Variants in SPOPL observed in about 807,000 individuals in gnomAD.
SPOPL encodes speckle-type POZ protein-like.
In SPOPL, 23 loss-of-function variants were observed where a neutral mutation model predicts 53.8. The ratio of observed to expected loss-of-function variants is 0.43; its 90% CI spans 0.31 to 0.61. The LOEUF is 0.61. SPOPL is among the 20% of genes least tolerant of loss of function. The probability of loss-of-function intolerance (pLI) is 0.12; values close to 1 mark genes in which losing one functional copy is unlikely to be tolerated. For missense variants in SPOPL, 442 were observed against 466.9 expected, an observed-to-expected ratio of 0.95 and a Z score of 0.49; for synonymous variants, 164 against 149.7, an observed-to-expected ratio of 1.10 and a Z score of -0.70.
At chr2:138,525,063 G>A (rs1036400565) in intron 1 of SPOPL, among the ~76,000 whole-genome samples, 4 of 152,098 alleles carry the variant, frequency 2.6e-5, no homozygotes, top group Non-Finnish European at 2.9e-5. Context: ...ATATTAATCC[G>A]TTTTCATGCT....
chr2:138,528,443 G>A (rs970925835), intron 1 of SPOPL, among the ~76,000 whole-genome samples: 2 of 152,116 alleles, frequency 1.3e-5, no homozygotes, highest in Admixed American at 6.6e-5. Flanking sequence ...AATGTCTGAT[G>A]TACCAGTGTC....
intron 1 of SPOPL, among the ~76,000 whole-genome samples, chr2:138,514,741 G>C (rs560185858): frequency 2.0e-5 from 3 of 152,104 alleles, no homozygotes; most frequent in Non-Finnish European, 4.4e-5. Context: ...ATAATCACTG[G>C]GTCATATGTG....
At chr2:138,558,833 T>C (rs1685481902) in intron 5 of SPOPL, among the ~76,000 whole-genome samples, 189 bp from the exon 6 acceptor site, 1 of 152,202 alleles carries the variant, frequency 6.6e-6, no homozygotes, top group East Asian at 1.9e-4. Flanking sequence ...AAGATCTATA[T>C]TTCTAATTTT....
chr2:138,555,818 G>A (rs1685413128), intron 5 of SPOPL, among the ~76,000 whole-genome samples: 1 of 151,986 alleles, frequency 6.6e-6, no homozygotes, highest in African/African-American at 2.4e-5. Context: ...TTGAAAAAGG[G>A]CTGTCAAATG....
chr2:138,523,944 C>G (rs943078929), intron 1 of SPOPL, among the ~76,000 whole-genome samples: 2 of 152,134 alleles, frequency 1.3e-5, no homozygotes, highest in African/African-American at 4.8e-5. Flanking sequence ...GATGGTGGCC[C>G]TCTTCTCACA....
At chr2:138,565,366 C>T (rs538546713) in intron 10 of SPOPL, among the ~76,000 whole-genome samples, 41 of 152,304 alleles carry the variant, frequency 2.7e-4, no homozygotes, top group Admixed American at 2.5e-3. Context: ...AAAGCCTTTA[C>T]ATTTGAAGGC....
At chr2:138,550,372 T>C in intron 2 of SPOPL, 78 bp downstream of exon 2, 1 of 1,593,586 alleles carries the variant, frequency 6.3e-7, no homozygotes, top group Non-Finnish European at 8.6e-7. Context: ...TGTGAAACAC[T>C]TTGCCATAGT....
At chr2:138,507,845 G>T (rs1225338795) in intron 1 of SPOPL, among the ~76,000 whole-genome samples, 2 of 152,080 alleles carry the variant, frequency 1.3e-5, no homozygotes, top group Admixed American at 1.3e-4. Flanking sequence ...GCCCAAGGTA[G>T]TGTTTTATTT....
chr2:138,545,303 A>G (rs1685169254), intron 1 of SPOPL, among the ~76,000 whole-genome samples: 1 of 152,174 alleles, frequency 6.6e-6, no homozygotes, highest in African/African-American at 2.4e-5. Context: ...ATGAGGGCTG[A>G]TGACTTGGGC....
chr2:138,522,960 G>A (rs1172246155), intron 1 of SPOPL, among the ~76,000 whole-genome samples: 1 of 152,096 alleles, frequency 6.6e-6, no homozygotes, highest in East Asian at 1.9e-4. Context: ...GTTGTGCTAG[G>A]CTTTGCCTTA....
chr2:138,554,555 C>A, intron 5 of SPOPL: 1 of 1,261,034 alleles, frequency 7.9e-7, no homozygotes, highest in Non-Finnish European at 1.0e-6. Context: ...TTGGGTGCTA[C>A]CCTTTTTGCA....
rs1299695769 is a variant in SPOPL, at chr2:138,572,812, C to G, written c.*3732C>G. On this transcript the variant is annotated 3_prime_UTR_variant, in exon 11 of 11. Coordinates refer to ENST00000280098, the MANE Select transcript of SPOPL (RefSeq NM_001001664.3). ...GGTCCAGTTGAACAAATATTGAGTG[C>G]CTATCATATGCAAGACTAACTCCTT... 1 of 152,444 alleles carries G rather than the reference C, an allele frequency of 6.6e-6. No homozygotes were observed. The highest frequency in any genetic ancestry group is 1.9e-4 in the East Asian group (1 of 5,182). The allele number at this position is 152,444 out of a possible 1,614,324, so 9.4% of individuals were successfully genotyped here.
chr2:138,545,534 C>T (rs948162037), intron 1 of SPOPL, among the ~76,000 whole-genome samples: 1 of 151,810 alleles, frequency 6.6e-6, no homozygotes, highest in Non-Finnish European at 1.5e-5. Context: ...CCCGGGTTCA[C>T]GCCATTCTCC....
At chr2:138,526,439 G>C (rs570266586) in intron 1 of SPOPL, among the ~76,000 whole-genome samples, 4 of 152,046 alleles carry the variant, frequency 2.6e-5, no homozygotes, top group Non-Finnish European at 5.9e-5. Context: ...TAATTTAGGG[G>C]AGTATCAGGA....
intron 7 of SPOPL, 79 bp from the exon 8 acceptor site, chr2:138,560,724 ATT>A: frequency 6.9e-7 from 1 of 1,441,680 alleles, no homozygotes; most frequent in Non-Finnish European, 9.3e-7. Flanking sequence ...GGGCTTTTAA[ATT>A]ACTGTCAAAG....
At chr2:138,521,088 T>C (rs577282139) in intron 1 of SPOPL, among the ~76,000 whole-genome samples, 3 of 152,220 alleles carry the variant, frequency 2.0e-5, no homozygotes, top group Non-Finnish European at 4.4e-5. Context: ...TAATATGTTA[T>C]GCTATAGGAA....
At chr2:138,566,152 C>G (rs1210466814) in intron 10 of SPOPL, among the ~76,000 whole-genome samples, 1 of 152,056 alleles carries the variant, frequency 6.6e-6, no homozygotes, top group African/African-American at 2.4e-5. Context: ...TTTGTAGATT[C>G]TGTTTTCTGA....
chr2:138,510,032 C>T (rs1042300337), intron 1 of SPOPL, among the ~76,000 whole-genome samples: 1 of 152,178 alleles, frequency 6.6e-6, no homozygotes, highest in African/African-American at 2.4e-5. Flanking sequence ...TAAGTTTCCT[C>T]TATGTCTTTT....
intron 1 of SPOPL, among the ~76,000 whole-genome samples, chr2:138,528,704 C>T (rs1684731374): frequency 6.6e-6 from 1 of 152,050 alleles, no homozygotes; most frequent in South Asian, 2.1e-4. Context: ...AGTATGACTC[C>T]CTTTTGTTCT....
Sources: allele counts gnomAD v4.1 joint callset (sites outside exome capture counted in the v4.1 genomes callset), GRCh38; gene constraint gnomAD v4.1.1; transcripts MANE v1.5; gene names NCBI Gene and HGNC (gene_info 2026-07-23, HGNC 2026-07-21).